PCSK5: variants seen among roughly 807,000 people sequenced by gnomAD.
PCSK5 encodes the protein prohormone convertase 5.
Under a neutral mutation model 233.2 loss-of-function variants are expected in PCSK5, and 129 were observed. The observed-to-expected ratio is 0.55, with a 90% CI of 0.48 to 0.64. PCSK5 has a LOEUF of 0.64. Among genes scored for constraint, PCSK5 ranks in the 30% least tolerant of loss-of-function variants. The pLI, the probability that PCSK5 is intolerant of heterozygous loss-of-function variation, is 0.00. For synonymous variants in PCSK5, 825 were observed against 879.2 expected (o/e 0.94, Z 1.09); for missense variants, 2,076 against 2,430.1 (o/e 0.85, Z 3.06).
Position 76,169,821 on chromosome 9 carries a change from A to G in PCSK5, c.1737A>G (p.Leu579=), listed in dbSNP as rs150891170. 108 of 1,613,366 alleles carry G rather than the reference A, an allele frequency of 6.7e-5. No homozygotes were observed. The highest frequency in any genetic ancestry group is 1.2e-4 in the Admixed American group (7 of 59,990). The change falls in exon 13 of 38, where the codon CTA becomes CTG. Residue 579 remains leucine, a synonymous_variant. Coordinates refer to ENST00000674117, the MANE Select transcript of PCSK5 (RefSeq NM_001372043.1). ...VLEVYDTPSQ[L]RNFKTPGKLK... is the part of the protein sequence containing the mutation. ...AAGTTTATGATACTCCCTCTCAGCTAAGGAACTTTAAGACTCCAGGTGAGA... is the reference window on the plus strand; with the variant it reads ...AAGTTTATGATACTCCCTCTCAGCTGAGGAACTTTAAGACTCCAGGTGAGA...
At chr9:76,201,106 G>A (rs1471983042) in intron 20 of PCSK5, among the ~76,000 whole-genome samples, 8 of 152,158 alleles carry the variant, frequency 5.3e-5, no homozygotes, top group Admixed American at 2.0e-4. Context: ...TCACTGTGAT[G>A]TCCACAGTCA....
At chr9:76,292,113 C>G in intron 24 of PCSK5, 120 bp from the exon 25 acceptor site, 1 of 674,228 alleles carries the variant, frequency 1.5e-6, no homozygotes, top group South Asian at 1.8e-5. Flanking sequence ...TATTTCTGGA[C>G]AGTACATTTC....
At chr9:76,114,671 C>T (rs1221061108) in intron 9 of PCSK5, among the ~76,000 whole-genome samples, 1 of 151,758 alleles carries the variant, frequency 6.6e-6, no homozygotes. Context: ...GAGACTGTTA[C>T]CTGCCTCTTT....
intron 3 of PCSK5, among the ~76,000 whole-genome samples, chr9:76,001,193 C>T (rs1827245817): frequency 6.6e-6 from 1 of 152,152 alleles, no homozygotes; most frequent in South Asian, 2.1e-4. Flanking sequence ...CTGTGTACAA[C>T]ACTCTCTTAG....
chr9:76,101,142 C>T (rs1342173533), intron 8 of PCSK5, among the ~76,000 whole-genome samples: 1 of 152,142 alleles, frequency 6.6e-6, no homozygotes, highest in African/African-American at 2.4e-5. Context: ...GTTTTTCGCA[C>T]TACAATGGAA....
chr9:76,170,243 T>C (rs1823275224), intron 13 of PCSK5, among the ~76,000 whole-genome samples: 1 of 152,262 alleles, frequency 6.6e-6, no homozygotes, highest in African/African-American at 2.4e-5. Flanking sequence ...CTAAATTTAC[T>C]TTTCAGTTTA....
rs117073264 is a variant in PCSK5, at chr9:76,126,142, T to G, written c.1209-7967T>G. Among the ~76,000 whole-genome samples the G allele has an allele frequency of 5.4e-4, 81 of 151,368 alleles. 2 individuals carry two copies. In the East Asian group the frequency reaches 0.015, roughly 28 times the overall value. On this transcript the variant is annotated intron_variant, in intron 9 of 37. Coordinates refer to ENST00000674117, the MANE Select transcript of PCSK5 (RefSeq NM_001372043.1). ...TACATCAAAATTTTTGTAATAGATT[T>G]CTGTTAGTCTTTGTTGATTTTTTCC...
chr9:76,225,123 C>G (rs1825847165), intron 20 of PCSK5, among the ~76,000 whole-genome samples: 1 of 152,164 alleles, frequency 6.6e-6, no homozygotes, highest in Admixed American at 6.5e-5. Context: ...CCTGTGTACA[C>G]CCTTGCTCTT....
chr9:76,031,189 T>A (rs1014646247), intron 5 of PCSK5, among the ~76,000 whole-genome samples: 2 of 152,164 alleles, frequency 1.3e-5, no homozygotes, highest in African/African-American at 4.8e-5. Flanking sequence ...ATAATGGATA[T>A]GATCAATGGA....
chr9:76,119,847 A>G (rs1046734363), intron 9 of PCSK5, among the ~76,000 whole-genome samples: 4 of 152,044 alleles, frequency 2.6e-5, no homozygotes, highest in African/African-American at 7.2e-5. Context: ...ATTATTGACT[A>G]TAGTCACCCT....
At position 76,046,155 on chromosome 9, in the gene PCSK5, C is replaced by CT. The variant is rs1829362984; in HGVS notation, c.632+19122dup. 1.8e-3 allele frequency among the ~76,000 whole-genome samples: 100 copies of CT among 55,656 alleles called. 1 individual carries two copies. The highest frequency in any genetic ancestry group is 4.0e-3 in the African/African-American group (76 of 19,236). The allele number at this position is 55,656 out of a possible 152,430, so 36.5% of individuals were successfully genotyped here. A position where few individuals can be genotyped will look rare whatever the true frequency, so the allele number is the denominator to read the frequency against. On this transcript the variant is annotated intron_variant, in intron 5 of 37. Transcript: ENST00000674117. ...TAGTAGCATTAACACATAATTTTTT[C>CT]TTTTGTTTTTTTTTTTTTTTTTTTT...
intron 24 of PCSK5, among the ~76,000 whole-genome samples, chr9:76,269,040 G>A (rs1048237472): frequency 6.6e-6 from 1 of 152,166 alleles, no homozygotes; most frequent in African/African-American, 2.4e-5. Flanking sequence ...TGCCAGGCAG[G>A]TACCATGGTC....
intron 36 of PCSK5, among the ~76,000 whole-genome samples, chr9:76,352,213 T>C (rs1035219852): frequency 1.3e-5 from 2 of 152,202 alleles, no homozygotes; most frequent in African/African-American, 2.4e-5. Flanking sequence ...TTTTAGACCA[T>C]ATAGGGTAAC....
At chr9:76,031,955 G>A (rs1229684823) in intron 5 of PCSK5, among the ~76,000 whole-genome samples, 1 of 152,118 alleles carries the variant, frequency 6.6e-6, no homozygotes, top group Non-Finnish European at 1.5e-5. Flanking sequence ...CGTCCTTGGG[G>A]GACTTAAGGT....
chr9:76,292,434 A>T (rs1219640987), intron 25 of PCSK5, among the ~76,000 whole-genome samples, 159 bp downstream of exon 25: 2 of 152,298 alleles, frequency 1.3e-5, no homozygotes, highest in Admixed American at 1.3e-4. Flanking sequence ...TAGCAATAAG[A>T]GCCCAGCTGT....
chr9:76,063,113 ATG>A (rs1830090022), intron 5 of PCSK5, among the ~76,000 whole-genome samples: 1 of 151,498 alleles, frequency 6.6e-6, no homozygotes, highest in African/African-American at 2.4e-5. Flanking sequence ...CATGCTGAGA[ATG>A]TCAGGATTTA....
intron 10 of PCSK5, among the ~76,000 whole-genome samples, chr9:76,138,436 A>G (rs1823067582): frequency 6.6e-6 from 1 of 152,050 alleles, no homozygotes; most frequent in South Asian, 2.1e-4. Context: ...CATGCGGAAG[A>G]CTTTTAATTC....
In PCSK5 at chr9:75,992,806, A is replaced by T. The variant is rs188765256; in HGVS notation, c.411+6561A>T. ...TAATAAATGGATTCATTTTTGATGC[A>T]CTACCTCGGATTTCATGAACGCTCT... On this transcript the variant is annotated intron_variant, in intron 3 of 37. Transcript: ENST00000674117. Among the ~76,000 whole-genome samples the T allele has an allele frequency of 7.2e-5, 11 of 152,306 alleles. 1 individual carries two copies. The East Asian group carries it at 1.4e-3, about 19-fold the overall frequency.
intron 2 of PCSK5, among the ~76,000 whole-genome samples, chr9:75,954,208 C>T (rs1824995749): frequency 6.6e-6 from 1 of 152,182 alleles, no homozygotes; most frequent in African/African-American, 2.4e-5. Context: ...AGAGTCTGTA[C>T]ATGGCTTCTG....
Sources: gnomAD v4.1 joint callset for allele counts (sites outside exome capture counted in the v4.1 genomes callset) on GRCh38, gnomAD v4.1.1 for gene constraint, MANE v1.5 for transcripts, NCBI Gene and HGNC (gene_info 2026-07-23, HGNC 2026-07-21) for gene names.